Variants in AP1S3 observed in about 807,000 individuals in gnomAD.
AP1S3 encodes the protein AP-1 complex subunit sigma-3.
Under a neutral mutation model 20.9 loss-of-function variants are expected in AP1S3, and 10 were observed. The ratio of observed to expected loss-of-function variants is 0.48; its 90% CI spans 0.29 to 0.81. The LOEUF is 0.81. Among genes scored for constraint, AP1S3 ranks in the 30% least tolerant of loss-of-function variants. AP1S3 has a pLI of 0.08. For missense variants in AP1S3, 154 were observed against 183.8 expected (o/e 0.84, Z 0.94); for synonymous variants, 41 against 61.5 (o/e 0.67, Z 1.56).
chr2:223,755,910 T>C lies in AP1S3; in HGVS notation c.*2805A>G, dbSNP rs749657439. 34 of 985,318 alleles carry C rather than the reference T, an allele frequency of 3.5e-5. No individual in the cohort carries two copies. The highest frequency in any genetic ancestry group is 9.6e-6 in the Non-Finnish European group (8 of 829,946). 61.0% of individuals were successfully genotyped at this position (985,318 alleles called of 1,614,324 possible). ...ATAACTAAAGTGTCTAATATGGAAT[T>C]ATCCAGAACATGTGTAGTATATTTG... On this transcript the variant is annotated 3_prime_UTR_variant, in exon 5 of 5. Coordinates refer to ENST00000396654, the MANE Select transcript of AP1S3 (RefSeq NM_001039569.2).
chr2:223,760,229 T>C (rs1405058694), intron 4 of AP1S3, among the ~76,000 whole-genome samples: 1 of 152,162 alleles, frequency 6.6e-6, no homozygotes, highest in Non-Finnish European at 1.5e-5. Context: ...CCTCTTTCGT[T>C]TGAGTCACGA....
chr2:223,789,793 A>G (rs552251019), intron 1 of AP1S3, among the ~76,000 whole-genome samples: 1,546 of 149,182 alleles, frequency 0.01, 36 homozygotes, highest in African/African-American at 0.037. Context: ...AGCCGAGATC[A>G]TGCCACTCCA....
chr2:223,783,719 A>T (rs575028717), intron 1 of AP1S3, among the ~76,000 whole-genome samples: 4 of 152,278 alleles, frequency 2.6e-5, no homozygotes, highest in African/African-American at 9.6e-5. Context: ...ACCCACAGCC[A>T]GCTTCCAAGA....
chr2:223,811,310 G>A (rs1415645911), intron 1 of AP1S3, among the ~76,000 whole-genome samples: 1 of 152,076 alleles, frequency 6.6e-6, no homozygotes, highest in Non-Finnish European at 1.5e-5. Context: ...GCTCATGCCT[G>A]TAATCCCAAC....
chr2:223,803,612 AG>A (rs1691515531), intron 1 of AP1S3, among the ~76,000 whole-genome samples: 1 of 152,106 alleles, frequency 6.6e-6, no homozygotes, highest in South Asian at 2.1e-4. Context: ...AACAAGGCAG[AG>A]GAACTATAAA....
chr2:223,785,367 G>A (rs1352927665), intron 1 of AP1S3, among the ~76,000 whole-genome samples: 7 of 152,000 alleles, frequency 4.6e-5, no homozygotes, highest in African/African-American at 1.7e-4. Flanking sequence ...AAAATAAAAA[G>A]ATTATATTGT....
At chr2:223,825,832 C>T (rs895321517) in intron 1 of AP1S3, among the ~76,000 whole-genome samples, 1 of 152,090 alleles carries the variant, frequency 6.6e-6, no homozygotes, top group African/African-American at 2.4e-5. Context: ...GCCTGGCCAA[C>T]ATGGGGAAAC....
At chr2:223,825,291 T>C (rs1960029) in intron 1 of AP1S3, among the ~76,000 whole-genome samples, 73,156 of 150,018 alleles carry the variant, frequency 0.49, 17,906 homozygotes, top group Middle Eastern at 0.57. Flanking sequence ...CCAGCCTGGG[T>C]GACAGAGGGA....
chr2:223,819,815 CAA>C (rs1691946437), intron 1 of AP1S3, among the ~76,000 whole-genome samples: 1 of 151,932 alleles, frequency 6.6e-6, no homozygotes, highest in Non-Finnish European at 1.5e-5. Context: ...GTGATTATTG[CAA>C]AGTTAGTTAC....
chr2:223,811,332 C>G (rs1212576220), intron 1 of AP1S3, among the ~76,000 whole-genome samples: 3 of 152,114 alleles, frequency 2.0e-5, no homozygotes, highest in Admixed American at 2.0e-4. Context: ...CTTTTGGAGG[C>G]TGAGGTGGGC....
At chr2:223,783,284 G>A (rs532198049) in intron 1 of AP1S3, among the ~76,000 whole-genome samples, 5 of 152,160 alleles carry the variant, frequency 3.3e-5, no homozygotes, top group Non-Finnish European at 5.9e-5. Context: ...AACCAGGTGG[G>A]CACCTGGTTC....
intron 1 of AP1S3, among the ~76,000 whole-genome samples, chr2:223,814,607 G>A (rs556229245): frequency 1.1e-4 from 16 of 152,086 alleles, no homozygotes; most frequent in African/African-American, 3.9e-4. Flanking sequence ...ATTCTCACTG[G>A]TCACATGAAC....
At chr2:223,782,474 A>ATT (rs1420733326) in intron 1 of AP1S3, among the ~76,000 whole-genome samples, 2 of 152,204 alleles carry the variant, frequency 1.3e-5, no homozygotes, top group East Asian at 3.8e-4. Flanking sequence ...GGGCACCTAG[A>ATT]TCAACGTTGG....
rs1690222547 is a variant in AP1S3 at position 223,756,461 on chromosome 2, GAAAGA to G, written c.*2249_*2253del. The stretch of plus-strand genomic sequence containing the variant: ...GAAGAAAGGAAGGAAAAGAAAGAAA[GAAAGA>G]AAAGAAAGAAAGAAAGAAAAAAAGA... On this transcript the variant is annotated 3_prime_UTR_variant, in exon 5 of 5. Transcript: ENST00000396654. 10 of 855,376 alleles carry G rather than the reference GAAAGA, an allele frequency of 1.2e-5. No homozygotes were observed. Among genetic ancestry groups the G allele is most frequent in the South Asian group, 5.1e-5 (1 of 19,428 alleles). 53.0% of individuals were successfully genotyped at this position (855,376 alleles called of 1,614,324 possible).
intron 3 of AP1S3, chr2:223,770,305 G>C (rs1363000369): frequency 1.9e-6 from 3 of 1,550,500 alleles, no homozygotes; most frequent in Non-Finnish European, 2.6e-6. Context: ...GCCTCATTAG[G>C]AGAAACCAGC....
intron 1 of AP1S3, among the ~76,000 whole-genome samples, chr2:223,821,903 G>T (rs1340446614): frequency 6.6e-6 from 1 of 150,444 alleles, no homozygotes; most frequent in East Asian, 1.9e-4. Flanking sequence ...GAGTTTTCAA[G>T]ATTGTATCTC....
chr2:223,779,405 T>A (rs1056225419), intron 1 of AP1S3, among the ~76,000 whole-genome samples: 1 of 152,102 alleles, frequency 6.6e-6, no homozygotes, highest in East Asian at 1.9e-4. Context: ...TGTTAGAATG[T>A]TTTTTAAAAA....
intron 1 of AP1S3, among the ~76,000 whole-genome samples, chr2:223,832,643 T>G (rs1391038360): frequency 6.6e-6 from 1 of 152,136 alleles, no homozygotes; most frequent in Non-Finnish European, 1.5e-5. Context: ...ATTGCCAAAA[T>G]CATTACATGC....
At chr2:223,790,654 A>G (rs1004716769) in intron 1 of AP1S3, among the ~76,000 whole-genome samples, 1 of 152,200 alleles carries the variant, frequency 6.6e-6, no homozygotes, top group Non-Finnish European at 1.5e-5. Context: ...CCTGAAAGAT[A>G]GTATATATTT....
Sources: gnomAD v4.1 joint callset for allele counts (sites outside exome capture counted in the v4.1 genomes callset) on GRCh38, gnomAD v4.1.1 for gene constraint, MANE v1.5 for transcripts, NCBI Gene and HGNC (gene_info 2026-07-23, HGNC 2026-07-21) for gene names.